Variants in GALNT13 observed in about 807,000 individuals in gnomAD.
GALNT13 encodes the protein UDP-GalNAc:polypeptide N-acetylgalactosaminyltransferase 13.
Under a neutral mutation model 64.2 loss-of-function variants are expected in GALNT13, and 28 were observed. The observed-to-expected ratio is 0.44, with a 90% CI of 0.32 to 0.60. The LOEUF (loss-of-function observed/expected upper bound fraction) is 0.60. Ranked by LOEUF, GALNT13 falls within the 20% of genes least tolerant of loss-of-function variation. GALNT13 has a pLI of 0.05. For synonymous variants in GALNT13, 214 were observed against 224.6 expected (o/e 0.95, Z 0.42); for missense variants, 577 against 669.8 (o/e 0.86, Z 1.53).
the GALNT13 span, among the ~76,000 whole-genome samples, chr2:153,770,021 A>G: frequency 1.3e-5 from 2 of 152,082 alleles, no homozygotes; most frequent in Non-Finnish European, 2.9e-5. Flanking sequence ...AATCTCATTT[A>G]GCTTCTTTAA....
At chr2:153,739,493 G>C in the GALNT13 span, among the ~76,000 whole-genome samples, 1 of 147,958 alleles carries the variant, frequency 6.8e-6, no homozygotes, top group African/African-American at 2.5e-5. Context: ...TGGTCTTCTT[G>C]AATTAGATTT....
chr2:153,257,307 C>T, the GALNT13 span, among the ~76,000 whole-genome samples: 24 of 152,200 alleles, frequency 1.6e-4, no homozygotes, highest in Middle Eastern at 3.4e-3. Flanking sequence ...CGCCCTGCTT[C>T]GGCTCGTGCA....
intron 8 of GALNT13, among the ~76,000 whole-genome samples, chr2:154,266,562 AC>A (rs1266667706): frequency 6.6e-6 from 1 of 152,016 alleles, no homozygotes; most frequent in African/African-American, 2.4e-5. Flanking sequence ...GATGTGCAAG[AC>A]CTCTATGCTA....
At chr2:153,345,655 C>CTTTCTT in the GALNT13 span, among the ~76,000 whole-genome samples, 4 of 131,822 alleles carry the variant, frequency 3.0e-5, no homozygotes, top group South Asian at 2.6e-4. Context: ...TTCTTTCTTT[C>CTTTCTT]TTTCTTTCTT....
chr2:153,527,761 C>T, the GALNT13 span, among the ~76,000 whole-genome samples: 1 of 151,918 alleles, frequency 6.6e-6, no homozygotes, highest in African/African-American at 2.4e-5. Context: ...ATGGGAATAA[C>T]AAAAAGTTAA....
At chr2:153,316,143 C>G in the GALNT13 span, among the ~76,000 whole-genome samples, 47 of 150,692 alleles carry the variant, frequency 3.1e-4, no homozygotes, top group Non-Finnish European at 6.7e-4. Flanking sequence ...AAAAAGAAAA[C>G]AAAAAAAAGA....
intron 4 of GALNT13, among the ~76,000 whole-genome samples, chr2:154,187,813 G>GT (rs1339293820): frequency 1.3e-5 from 2 of 151,996 alleles, no homozygotes; most frequent in South Asian, 2.1e-4. Flanking sequence ...AATTAAAATA[G>GT]TTTTTTTGGT....
At chr2:153,275,636 C>T in the GALNT13 span, among the ~76,000 whole-genome samples, 1 of 149,410 alleles carries the variant, frequency 6.7e-6, no homozygotes, top group Admixed American at 6.7e-5. Context: ...CTTTCTCTCT[C>T]ATGATTCAAT....
At position 154,244,240 on chromosome 2, in the gene GALNT13, C is replaced by A. The variant is rs147317409; in HGVS notation, c.686+1335C>A. 4.0e-3 allele frequency among the ~76,000 whole-genome samples: 604 copies of A among 152,056 alleles called. 6 individuals carry two copies. The highest frequency in any genetic ancestry group is 0.014 in the African/African-American group (588 of 41,494). On this transcript the variant is annotated intron_variant, in intron 6 of 12. Transcript: ENST00000392825. ...CATATGATGAACCCTATTGTCTTGACCTGATTATAAAGTTTAAAACTACCC... is the reference window on the plus strand; with the variant it reads ...CATATGATGAACCCTATTGTCTTGAACTGATTATAAAGTTTAAAACTACCC...
At chr2:154,232,215 A>T (rs1688954149) in intron 4 of GALNT13, among the ~76,000 whole-genome samples, 1 of 152,158 alleles carries the variant, frequency 6.6e-6, no homozygotes, top group Non-Finnish European at 1.5e-5. Flanking sequence ...TCAACCTCTT[A>T]TTAAATATAT....
chr2:153,589,783 C>A, the GALNT13 span, among the ~76,000 whole-genome samples: 1 of 152,056 alleles, frequency 6.6e-6, no homozygotes, highest in African/African-American at 2.4e-5. Flanking sequence ...GAGAACAGCA[C>A]GGGAAAGATT....
chr2:153,587,089 C>T, the GALNT13 span, among the ~76,000 whole-genome samples: 3 of 151,890 alleles, frequency 2.0e-5, no homozygotes, highest in African/African-American at 7.3e-5. Context: ...AAAAAATTAG[C>T]TAGGTGTAGT....
the GALNT13 span, among the ~76,000 whole-genome samples, chr2:153,861,566 T>TC: frequency 7.0e-4 from 5 of 7,102 alleles, no homozygotes; most frequent in African/African-American, 1.8e-3. Flanking sequence ...TTTCTTTTTT[T>TC]TTTTTTTTTT....
chr2:154,350,473 G>T (rs961294957), intron 9 of GALNT13, among the ~76,000 whole-genome samples: 4 of 152,174 alleles, frequency 2.6e-5, no homozygotes, highest in African/African-American at 7.2e-5. Context: ...TTTGCCAGGG[G>T]CTCTCGGGCT....
At chr2:153,455,708 G>A in the GALNT13 span, among the ~76,000 whole-genome samples, 1 of 152,124 alleles carries the variant, frequency 6.6e-6, no homozygotes, top group Non-Finnish European at 1.5e-5. Flanking sequence ...GACAGCTTAA[G>A]TGTTAACAGT....
chr2:153,265,456 C>A, the GALNT13 span, among the ~76,000 whole-genome samples: 1 of 152,190 alleles, frequency 6.6e-6, no homozygotes, highest in African/African-American at 2.4e-5. Context: ...CAGGGCAGCA[C>A]TGAGTTCCAA....
At chr2:153,651,234 G>T in the GALNT13 span, among the ~76,000 whole-genome samples, 1 of 152,128 alleles carries the variant, frequency 6.6e-6, no homozygotes, top group South Asian at 2.1e-4. Flanking sequence ...TTAAACAAGA[G>T]TCTAGAGAAT....
the GALNT13 span, among the ~76,000 whole-genome samples, chr2:153,552,512 T>C: frequency 6.6e-6 from 1 of 151,090 alleles, no homozygotes; most frequent in Non-Finnish European, 1.5e-5. Flanking sequence ...CAAACATAGA[T>C]GCAGGTAGGT....
chr2:154,364,376 C>A (rs966363539), intron 9 of GALNT13, among the ~76,000 whole-genome samples: 1 of 152,102 alleles, frequency 6.6e-6, no homozygotes, highest in African/African-American at 2.4e-5. Context: ...AGGAAATCAT[C>A]AAAATCTGAT....
Sources: gnomAD v4.1 joint callset for allele counts (sites outside exome capture counted in the v4.1 genomes callset) on GRCh38, gnomAD v4.1.1 for gene constraint, MANE v1.5 for transcripts, NCBI Gene and HGNC (gene_info 2026-07-23, HGNC 2026-07-21) for gene names.